AVPR1A: variants seen among roughly 807,000 people sequenced by gnomAD.
AVPR1A encodes the protein arginine vasopressin receptor 1A, also known as vasopressin V1a receptor.
In AVPR1A, 31 loss-of-function variants were observed where a neutral mutation model predicts 31.5. The ratio of observed to expected loss-of-function variants is 0.99; its 90% CI spans 0.74 to 1.33. The LOEUF (loss-of-function observed/expected upper bound fraction) is 1.33, where lower values mean the gene tolerates loss of function less well. Among genes scored for constraint, AVPR1A ranks in the 40% most tolerant of loss-of-function variants. The probability of loss-of-function intolerance (pLI) is 0.00; values close to 1 mark genes in which losing one functional copy is unlikely to be tolerated. For synonymous variants in AVPR1A, 243 were observed against 233.2 expected (o/e 1.04, Z -0.38); for missense variants, 570 against 575.2 (o/e 0.99, Z 0.09).
intron 1 of AVPR1A, among the ~76,000 whole-genome samples, chr12:63,148,954 G>A (rs1716614328): frequency 6.6e-6 from 1 of 152,074 alleles, no homozygotes; most frequent in South Asian, 2.1e-4. Flanking sequence ...TATTTAGTTT[G>A]AGTTTTTGTC....
Position 63,150,193 on chromosome 12 carries a change from G to A in AVPR1A, c.644C>T (p.Ala215Val), listed in dbSNP as rs1868440193. Residue 215 changes from alanine to valine, a missense_variant, in exon 1 of 2, where the codon GCC (alanine) becomes GTC (valine). Ala to Val is a moderately conservative substitution (Grantham distance 64, BLOSUM62 0). Coordinates refer to ENST00000299178, the MANE Select transcript of AVPR1A (RefSeq NM_000706.5). The surrounding 1 kb of genome is among the most constrained non-coding windows in gnomAD (Gnocchi z 4.9). ...ATFIQPWGSR[A>V]YVTWMTGGIF... ...GCCGCCCGTCATCCAGGTCACGTAG[G>A]CACGAGAACCCCAGGGCTGGATGAA... 1 of 1,613,816 alleles carries A rather than the reference G, an allele frequency of 6.2e-7. No individual in the cohort carries two copies. Among genetic ancestry groups the A allele is most frequent in the African/African-American group, 1.3e-5 (1 of 74,940 alleles).
chr12:63,148,380 A>C (rs1868390159), intron 1 of AVPR1A, among the ~76,000 whole-genome samples: 1 of 151,820 alleles, frequency 6.6e-6, no homozygotes, highest in African/African-American at 2.4e-5. Flanking sequence ...AATAATCAAT[A>C]AACACTGACT....
At position 63,147,228 on chromosome 12, in the gene AVPR1A, C is replaced by T. The variant is rs1868371204; in HGVS notation, c.*131G>A. On this transcript the variant is annotated 3_prime_UTR_variant, in exon 2 of 2. Coordinates refer to ENST00000299178, the MANE Select transcript of AVPR1A (RefSeq NM_000706.5). ...AGCAATATGAAAATGCAACTAGAAA[C>T]ACAGTCTCATACACAATGAATTGAT... is the stretch of plus-strand genomic sequence containing the variant. 2.7e-6 allele frequency: 3 copies of T among 1,100,592 alleles called. No individual in the cohort carries two copies. Among genetic ancestry groups the T allele is most frequent in the East Asian group, 2.5e-5 (1 of 39,722 alleles). The allele number at this position is 1,100,592 out of a possible 1,614,324, so 68.2% of individuals were successfully genotyped here. A position where few individuals can be genotyped will look rare whatever the true frequency, so the allele number is the denominator to read the frequency against.
chr12:63,150,771 G>A lies in AVPR1A; in HGVS notation c.66C>T (p.Ala22=), dbSNP rs1268946718. The change falls in exon 1 of 2, where the codon GCC becomes GCT. Residue 22 remains alanine (A), a synonymous_variant. Transcript: ENST00000299178. This position sits in a 1 kb window ranked among gnomAD's most constrained non-coding sequence, Gnocchi z 4.9. ...SGNSSPWWPL[A]TGAGNTSREA... ...CCCGGCTTGTGTTGCCAGCGCCGGT[G>A]GCCAGAGGCCACCATGGGCTGGAGT... 1.3e-6 allele frequency: 2 copies of A among 1,598,456 alleles called. No homozygotes were observed. The highest frequency in any genetic ancestry group is 1.7e-6 in the Non-Finnish European group (2 of 1,179,314).
Position 63,150,388 on chromosome 12 carries a change from T to C in AVPR1A, c.449A>G (p.Tyr150Cys), listed in dbSNP as rs1037287168. 1.9e-6 allele frequency: 3 copies of C among 1,613,758 alleles called. No individual in the cohort carries two copies. Among genetic ancestry groups the C allele is most frequent in the African/African-American group, 2.7e-5 (2 of 74,942 alleles). Residue 150 changes from tyrosine (Y) to cysteine (C), a missense_variant, in exon 1 of 2, where the codon TAC becomes TGC. Physicochemically the swap from Tyr to Cys is radical, Grantham distance 194 (BLOSUM62 -2). Coordinates refer to ENST00000299178, the MANE Select transcript of AVPR1A (RefSeq NM_000706.5). The surrounding 1 kb of genome is among the most constrained non-coding windows in gnomAD (Gnocchi z 4.9). ...YMLVVMTADR[Y>C]IAVCHPLKTL... The stretch of plus-strand genomic sequence containing the variant: ...CTTGAGCGGGTGGCACACCGCGATG[T>C]AGCGGTCGGCTGTCATGACTACCAG...
chr12:63,147,596 A>C lies in AVPR1A; in HGVS notation c.1020T>G (p.Asn340Lys). 6.2e-7 allele frequency: 1 copy of C among 1,614,130 alleles called. No homozygotes were observed. The highest frequency in any genetic ancestry group is 8.5e-7 in the Non-Finnish European group (1 of 1,179,982). Residue 340 changes from asparagine to lysine, a missense_variant, in exon 2 of 2, where the codon AAT becomes AAG. Transcript: ENST00000299178. The stretch of plus-strand genomic sequence containing the variant: ...TGTATATCCAGGGATTACAGCAGCT[A>C]TTCAAGGAACCCAGTAATGCAGTGA... The part of the protein sequence containing the change: ...ITITALLGSL[N>K]SCCNPWIYMF...
At chr12:63,149,798 T>TCTCACA (rs878954739) in intron 1 of AVPR1A, 69 bp downstream of exon 1, 3 of 938,194 alleles carry the variant, frequency 3.2e-6, no homozygotes, top group African/African-American at 2.2e-5. Context: ...TCTCTCTCTC[T>TCTCACA]CACACACACA....
Position 63,146,327 on chromosome 12 carries a change from G to A in AVPR1A, c.*1032C>T, listed in dbSNP as rs191136051. The A allele has an allele frequency of 1.2e-4, 19 of 152,264 alleles. No homozygotes were observed. In the East Asian group the frequency reaches 3.5e-3, roughly 28 times the overall value. 9.4% of individuals were successfully genotyped at this position (152,264 alleles called of 1,614,324 possible). A position where few individuals can be genotyped will look rare whatever the true frequency, so the allele number is the denominator to read the frequency against. Reference sequence around the variant, plus strand: ...CCCAACCCTGTCTCATCTCTGCTTTGCAATTGTTAGATGAGTGAGAGATTG... The same window carrying A: ...CCCAACCCTGTCTCATCTCTGCTTTACAATTGTTAGATGAGTGAGAGATTG... On this transcript the variant is annotated 3_prime_UTR_variant, in exon 2 of 2. Coordinates refer to ENST00000299178, the MANE Select transcript of AVPR1A (RefSeq NM_000706.5).
Position 63,150,423 on chromosome 12 carries a change from C to G in AVPR1A, c.414G>C (p.Ser138=). Residue 138 remains serine (S), a synonymous_variant, in exon 1 of 2, where the codon TCG becomes TCC. Coordinates refer to ENST00000299178, the MANE Select transcript of AVPR1A (RefSeq NM_000706.5). The surrounding 1 kb of genome is among the most constrained non-coding windows in gnomAD (Gnocchi z 4.9). ...KHLQVFGMFA[S]AYMLVVMTAD... Reference sequence around the variant, plus strand: ...CTGTCATGACTACCAGCATGTAGGCCGACGCAAACATGCCGAACACCTGCA... The same window carrying G: ...CTGTCATGACTACCAGCATGTAGGCGGACGCAAACATGCCGAACACCTGCA... 12 of 1,613,716 alleles carry G rather than the reference C, an allele frequency of 7.4e-6. No individual in the cohort carries two copies. The highest frequency in any genetic ancestry group is 1.0e-5 in the Non-Finnish European group (12 of 1,179,926).
At position 63,150,963 on chromosome 12, in the gene AVPR1A, CG is replaced by C; in HGVS notation, c.-128del. ...GGTCTTTGGCGCGCTCGCAGCTTGC[CG>C]GGCTCTGCGATCCCTCCAGTGGGCG... On this transcript the variant is annotated 5_prime_UTR_variant, in exon 1 of 2. Coordinates refer to ENST00000299178, the MANE Select transcript of AVPR1A (RefSeq NM_000706.5). The surrounding 1 kb of genome is among the most constrained non-coding windows in gnomAD (Gnocchi z 4.9). The C allele has an allele frequency of 7.3e-7, 1 of 1,365,800 alleles. No individual in the cohort carries two copies. The highest frequency in any genetic ancestry group is 9.6e-7 in the Non-Finnish European group (1 of 1,037,782). The allele number at this position is 1,365,800 out of a possible 1,614,324, so 84.6% of individuals were successfully genotyped here. A position where few individuals can be genotyped will look rare whatever the true frequency, so the allele number is the denominator to read the frequency against.
chr12:63,147,524 T>G lies in AVPR1A; in HGVS notation c.1092A>C (p.Pro364=). The change falls in exon 2 of 2, where the codon CCA becomes CCC. Residue 364 remains proline, a synonymous_variant. Coordinates refer to ENST00000299178, the MANE Select transcript of AVPR1A (RefSeq NM_000706.5). ...ATTTTTCCTTCATGTTTTGGCAGCATGGGAAGCTTTGAACACAGTCTTGAA... is the reference window on the plus strand; with the variant it reads ...ATTTTTCCTTCATGTTTTGGCAGCAGGGGAAGCTTTGAACACAGTCTTGAA... ...HLLQDCVQSF[P]CCQNMKEKFN... 1 of 1,614,146 alleles carries G rather than the reference T, an allele frequency of 6.2e-7. No homozygotes were observed. The highest frequency in any genetic ancestry group is 1.1e-5 in the South Asian group (1 of 91,084).
Position 63,148,127 on chromosome 12 carries a change from G to A in AVPR1A, c.971-482C>T, listed in dbSNP as rs1031768820. Among the ~76,000 whole-genome samples the A allele has an allele frequency of 3.9e-5, 6 of 152,254 alleles. No homozygotes were observed. The East Asian group carries it at 1.2e-3, about 29-fold the overall frequency. ...GTAGTTTTAAATATTCTTATAATAT[G>A]AAAACCATACAGAAGAAGTCCCTGG... On this transcript the variant is annotated intron_variant, in intron 1 of 1. Coordinates refer to ENST00000299178, the MANE Select transcript of AVPR1A (RefSeq NM_000706.5).
chr12:63,149,798 T>TCTCACACACA, intron 1 of AVPR1A, 69 bp downstream of exon 1: 2 of 935,900 alleles, frequency 2.1e-6, no homozygotes, highest in Non-Finnish European at 2.9e-6. Context: ...TCTCTCTCTC[T>TCTCACACACA]CACACACACA....
In AVPR1A at chr12:63,150,906, C is replaced by G; in HGVS notation, c.-70G>C. ...CTCGCGGGCCGCTCCCTCCCCGTCT[C>G]GGAGGACTTGGGCTCCTCGTCCGAA... On this transcript the variant is annotated 5_prime_UTR_variant, in exon 1 of 2. Coordinates refer to ENST00000299178, the MANE Select transcript of AVPR1A (RefSeq NM_000706.5). This position sits in a 1 kb window ranked among gnomAD's most constrained non-coding sequence, Gnocchi z 4.9. 1 of 1,444,780 alleles carries G rather than the reference C, an allele frequency of 6.9e-7. No homozygotes were observed. Among genetic ancestry groups the G allele is most frequent in the Non-Finnish European group, 9.0e-7 (1 of 1,106,102 alleles). 89.5% of individuals were successfully genotyped at this position (1,444,780 alleles called of 1,614,324 possible). A position where few individuals can be genotyped will look rare whatever the true frequency, so the allele number is the denominator to read the frequency against.
Position 63,149,997 on chromosome 12 carries a change from C to T in AVPR1A, c.840G>A (p.Lys280=), listed in dbSNP as rs550956477. 6.2e-7 allele frequency: 1 copy of T among 1,614,150 alleles called. No homozygotes were observed. Reference sequence around the variant, plus strand: ...TGCGGATCTTGGCCCGGGAAATGGACTTCACGCTGCTGACACAGGGTGCGA... The same window carrying T: ...TGCGGATCTTGGCCCGGGAAATGGATTTCACGCTGCTGACACAGGGTGCGA... The part of the protein sequence containing the change: ...FLLAPCVSSV[K]SISRAKIRTV... The change falls in exon 1 of 2, where the codon AAG becomes AAA. Residue 280 remains lysine, a synonymous_variant. Coordinates refer to ENST00000299178, the MANE Select transcript of AVPR1A (RefSeq NM_000706.5).
chr12:63,143,313 T>C lies in AVPR1A; in HGVS notation c.*4046A>G, dbSNP rs2120739240. ...CAATGTAAAAATGTGGGTATATACATACAAAAATACATAAAACTAAAAAGC... is the reference window on the plus strand; with the variant it reads ...CAATGTAAAAATGTGGGTATATACACACAAAAATACATAAAACTAAAAAGC... On this transcript the variant is annotated 3_prime_UTR_variant, in exon 2 of 2. Coordinates refer to ENST00000299178, the MANE Select transcript of AVPR1A (RefSeq NM_000706.5). 1 of 152,156 alleles carries C rather than the reference T, an allele frequency of 6.6e-6. No individual in the cohort carries two copies. The highest frequency in any genetic ancestry group is 2.1e-4 in the South Asian group (1 of 4,822). 9.4% of individuals were successfully genotyped at this position (152,156 alleles called of 1,614,324 possible).
Position 63,147,334 on chromosome 12 carries a change from G to A in AVPR1A, c.*25C>T. 6.2e-7 allele frequency: 1 copy of A among 1,604,864 alleles called. No individual in the cohort carries two copies. The highest frequency in any genetic ancestry group is 8.5e-7 in the Non-Finnish European group (1 of 1,172,930). On this transcript the variant is annotated 3_prime_UTR_variant, in exon 2 of 2. Transcript: ENST00000299178. ...TAATGAGCCAAAAAGTCAATCACAAGAATCAAGTTGCATGAATGCAAGGCT... is the reference window on the plus strand; with the variant it reads ...TAATGAGCCAAAAAGTCAATCACAAAAATCAAGTTGCATGAATGCAAGGCT...
chr12:63,150,911 G>T lies in AVPR1A; in HGVS notation c.-75C>A. On this transcript the variant is annotated 5_prime_UTR_variant, in exon 1 of 2. Transcript: ENST00000299178. The surrounding 1 kb of genome is among the most constrained non-coding windows in gnomAD (Gnocchi z 4.9). ...GGGCCGCTCCCTCCCCGTCTCGGAG[G>T]ACTTGGGCTCCTCGTCCGAAGCGCA... 6.9e-7 allele frequency: 1 copy of T among 1,441,630 alleles called. No individual in the cohort carries two copies. Among genetic ancestry groups the T allele is most frequent in the Non-Finnish European group, 9.1e-7 (1 of 1,104,274 alleles). The allele number at this position is 1,441,630 out of a possible 1,614,324, so 89.3% of individuals were successfully genotyped here. A position where few individuals can be genotyped will look rare whatever the true frequency, so the allele number is the denominator to read the frequency against.
At chr12:63,147,892 A>G (rs112546016) in intron 1 of AVPR1A, among the ~76,000 whole-genome samples, 21 of 152,352 alleles carry the variant, frequency 1.4e-4, no homozygotes, top group African/African-American at 3.8e-4. Flanking sequence ...AATAGAATTG[A>G]GTGGGAATTT....
Sources: allele counts gnomAD v4.1 joint callset (sites outside exome capture counted in the v4.1 genomes callset), GRCh38; gene constraint gnomAD v4.1.1; non-coding constraint Gnocchi (gnomAD v3.1); transcripts MANE v1.5; gene names NCBI Gene and HGNC (gene_info 2026-07-23, HGNC 2026-07-21).